Variants in MDGA2 observed in about 807,000 individuals in gnomAD.
The protein encoded by MDGA2 is MAM domain containing glycosylphosphatidylinositol anchor 2, also known as MAM domain-containing glycosylphosphatidylinositol anchor protein 2.
MDGA2 carries 40 observed loss-of-function variants against 117.8 expected under a neutral mutation model. That is an observed-to-expected ratio of 0.34 (90% CI 0.26 to 0.44). MDGA2 has a LOEUF of 0.44. MDGA2 is among the 20% of genes least tolerant of loss of function. The probability of loss-of-function intolerance (pLI) is 1.00; values close to 1 mark genes in which losing one functional copy is unlikely to be tolerated. For synonymous variants in MDGA2, 452 were observed against 439.0 expected, an observed-to-expected ratio of 1.03 and a Z score of -0.37; for missense variants, 1,123 against 1,250.6, an observed-to-expected ratio of 0.90 and a Z score of 1.54.
intron 1 of MDGA2, among the ~76,000 whole-genome samples, chr14:47,652,788 T>G (rs1016581844): frequency 9.2e-5 from 14 of 152,134 alleles, no homozygotes; most frequent in African/African-American, 3.4e-4. Flanking sequence ...CAAATATTTA[T>G]CCAGCAACTG....
At chr14:47,004,247 C>T (rs937192706) in intron 8 of MDGA2, among the ~76,000 whole-genome samples, 1 of 151,736 alleles carries the variant, frequency 6.6e-6, no homozygotes, top group South Asian at 2.1e-4. Flanking sequence ...TTTGTGTCAA[C>T]TTTTGTATAT....
intron 3 of MDGA2, among the ~76,000 whole-genome samples, chr14:47,213,950 T>G (rs971817187): frequency 6.6e-6 from 1 of 152,034 alleles, no homozygotes. Context: ...GAGCACAGAA[T>G]GGAAAGAGTA....
At chr14:47,360,359 AAAT>A (rs1891091922) in intron 1 of MDGA2, among the ~76,000 whole-genome samples, 2 of 62,350 alleles carry the variant, frequency 3.2e-5, no homozygotes, top group South Asian at 7.6e-4. Flanking sequence ...CTCAAAAAAT[AAAT>A]AAATAAATAA....
At chr14:47,002,184 T>A (rs1887555896) in intron 8 of MDGA2, among the ~76,000 whole-genome samples, 1 of 152,042 alleles carries the variant, frequency 6.6e-6, no homozygotes, top group Non-Finnish European at 1.5e-5. Flanking sequence ...ACCTTCCCAA[T>A]GTAAAACTAG....
chr14:47,169,739 A>C (rs1472459493), intron 3 of MDGA2, among the ~76,000 whole-genome samples: 2 of 152,126 alleles, frequency 1.3e-5, no homozygotes, highest in African/African-American at 4.8e-5. Context: ...TGATAAAATA[A>C]CAATGGCATA....
At chr14:47,614,851 G>A (rs1162622535) in intron 1 of MDGA2, among the ~76,000 whole-genome samples, 1 of 152,092 alleles carries the variant, frequency 6.6e-6, no homozygotes, top group Admixed American at 6.5e-5. Flanking sequence ...ATAATATGGT[G>A]CCAATAATAG....
At chr14:47,451,289 G>C (rs1364821976) in intron 1 of MDGA2, among the ~76,000 whole-genome samples, 1 of 152,056 alleles carries the variant, frequency 6.6e-6, no homozygotes. Flanking sequence ...CTGGGATAAG[G>C]GAAAAACTTT....
At chr14:47,486,411 T>C (rs1420228897) in intron 1 of MDGA2, among the ~76,000 whole-genome samples, 2 of 152,134 alleles carry the variant, frequency 1.3e-5, no homozygotes, top group Non-Finnish European at 2.9e-5. Context: ...TTTTACAGGG[T>C]CATAGGTGGA....
intron 1 of MDGA2, among the ~76,000 whole-genome samples, chr14:47,408,671 G>C (rs138107020): frequency 2.0e-5 from 3 of 152,274 alleles, no homozygotes; most frequent in Admixed American, 6.5e-5. Context: ...CTCTATATTT[G>C]TGTAATTTGT....
At chr14:47,499,329 A>G (rs1050398656) in intron 1 of MDGA2, among the ~76,000 whole-genome samples, 4 of 152,146 alleles carry the variant, frequency 2.6e-5, no homozygotes, top group African/African-American at 7.2e-5. Flanking sequence ...TTTATCCTTT[A>G]TTGTAGATTT....
At chr14:47,194,514 T>C (rs151255604) in intron 3 of MDGA2, among the ~76,000 whole-genome samples, 94 of 152,192 alleles carry the variant, frequency 6.2e-4, no homozygotes, top group Middle Eastern at 3.4e-3. Context: ...ATAAGAGGAA[T>C]AGTAAATAAT....
chr14:46,929,636 TA>T lies in MDGA2; in HGVS notation c.2090-9477del, dbSNP rs1566530344. On this transcript the variant is annotated intron_variant, in intron 9 of 16. Transcript: ENST00000399232. ...ATATATATATATATATATATATATA[TA>T]TATATATATACATTTTTTTTTTTTT... 2.7e-4 allele frequency among the ~76,000 whole-genome samples: 12 copies of T among 44,324 alleles called. 1 individual carries two copies. The highest frequency in any genetic ancestry group is 5.4e-4 in the Admixed American group (2 of 3,694). 29.1% of individuals were successfully genotyped at this position (44,324 alleles called of 152,430 possible). A position where few individuals can be genotyped will look rare whatever the true frequency, so the allele number is the denominator to read the frequency against.
At chr14:47,628,769 C>G (rs752575869) in intron 1 of MDGA2, among the ~76,000 whole-genome samples, 65 of 152,308 alleles carry the variant, frequency 4.3e-4, no homozygotes, top group Non-Finnish European at 3.1e-4. Flanking sequence ...TTTTTTCCCC[C>G]CAGCTGGTGT....
chr14:46,841,037 A>AAT lies in MDGA2; in HGVS notation c.*892_*893dup, dbSNP rs1880588754. The AAT allele has an allele frequency of 6.6e-6, 1 of 152,584 alleles. No individual in the cohort carries two copies. Among genetic ancestry groups the AAT allele is most frequent in the Admixed American group, 6.5e-5 (1 of 15,270 alleles). 9.5% of individuals were successfully genotyped at this position (152,584 alleles called of 1,614,324 possible). A position where few individuals can be genotyped will look rare whatever the true frequency, so the allele number is the denominator to read the frequency against. ...TTTAGGCTCTGTAGTTTGTTTATAA[A>AAT]ATAGTTTTACACAAACCACTCTTAG... is the stretch of plus-strand genomic sequence containing the variant. On this transcript the variant is annotated 3_prime_UTR_variant, in exon 17 of 17. Coordinates refer to ENST00000399232, the MANE Select transcript of MDGA2 (RefSeq NM_001113498.3).
intron 1 of MDGA2, among the ~76,000 whole-genome samples, chr14:47,454,062 A>G (rs926207360): frequency 6.6e-6 from 1 of 152,228 alleles, no homozygotes; most frequent in African/African-American, 2.4e-5. Context: ...TTGATTTGTC[A>G]TATTATAGAT....
At chr14:47,199,615 T>G (rs1885415819) in intron 3 of MDGA2, among the ~76,000 whole-genome samples, 2 of 152,138 alleles carry the variant, frequency 1.3e-5, no homozygotes, top group Non-Finnish European at 1.5e-5. Context: ...AGTCTACTAA[T>G]AAGATACTAC....
At chr14:47,422,515 G>T (rs1279112619) in intron 1 of MDGA2, among the ~76,000 whole-genome samples, 1 of 152,056 alleles carries the variant, frequency 6.6e-6, no homozygotes. Flanking sequence ...TTAAAAGCAA[G>T]GATCAAGTGA....
chr14:47,240,641 C>T (rs2139603551), intron 2 of MDGA2, among the ~76,000 whole-genome samples: 1 of 151,866 alleles, frequency 6.6e-6, no homozygotes, highest in Non-Finnish European at 1.5e-5. Flanking sequence ...TCTCAGAAAT[C>T]ATGGATAGAA....
chr14:47,475,134 A>G (rs969119197), intron 1 of MDGA2, among the ~76,000 whole-genome samples: 1 of 152,034 alleles, frequency 6.6e-6, no homozygotes, highest in Admixed American at 6.6e-5. Context: ...AACAAATTTA[A>G]AGAAAAAACA....
Sources: allele counts gnomAD v4.1 joint callset (sites outside exome capture counted in the v4.1 genomes callset), GRCh38; gene constraint gnomAD v4.1.1; transcripts MANE v1.5; gene names NCBI Gene and HGNC (gene_info 2026-07-23, HGNC 2026-07-21).